ATP10B: variants seen among roughly 807,000 people sequenced by gnomAD.
ATP10B encodes ATPase phospholipid transporting 10B (putative), also known as phospholipid-transporting ATPase VB.
In ATP10B, 122 loss-of-function variants were observed where a neutral mutation model predicts 141.2. The observed-to-expected ratio is 0.86, with a 90% CI of 0.75 to 1.00. ATP10B has a LOEUF of 1.00. Ranked by LOEUF, ATP10B falls within the 50% of genes least tolerant of loss-of-function variation. The pLI is 0.00. For synonymous variants in ATP10B, 685 were observed against 692.0 expected (o/e 0.99, Z 0.16); for missense variants, 1,876 against 1,825.3 (o/e 1.03, Z -0.51).
intron 21 of ATP10B, among the ~76,000 whole-genome samples, chr5:160,600,047 CTAT>C (rs1756999253): frequency 6.6e-6 from 1 of 152,160 alleles, no homozygotes; most frequent in Non-Finnish European, 1.5e-5. Context: ...ATTTGACCTT[CTAT>C]ATGTGCCAGG....
intron 25 of ATP10B, among the ~76,000 whole-genome samples, chr5:160,568,708 A>G (rs1222537398): frequency 6.6e-6 from 1 of 152,180 alleles, no homozygotes; most frequent in Non-Finnish European, 1.5e-5. Context: ...GGGGTACTAG[A>G]ACCATAGCTC....
the ATP10B span, among the ~76,000 whole-genome samples, chr5:160,861,236 G>T: frequency 6.6e-6 from 1 of 151,844 alleles, no homozygotes; most frequent in South Asian, 2.1e-4. Context: ...TGAATAGTAA[G>T]GAAGAAATTG....
the ATP10B span, among the ~76,000 whole-genome samples, chr5:160,868,521 T>TACACACACACACAC: frequency 1.4e-3 from 182 of 130,402 alleles, 3 homozygotes; most frequent in East Asian, 4.0e-3. Flanking sequence ...TATGAACAGA[T>TACACACACACACAC]ACACACACAC....
At chr5:160,661,216 TACA>T (rs1302038704) in intron 7 of ATP10B, among the ~76,000 whole-genome samples, 8 of 151,238 alleles carry the variant, frequency 5.3e-5, no homozygotes, top group Non-Finnish European at 1.2e-4. Flanking sequence ...AAACAACAAC[TACA>T]ACAACAAGAG....
At position 160,829,431 on chromosome 5, in the gene ATP10B, G is replaced by T. The variant is rs560134418; in HGVS notation, c.-576+22510C>A. On this transcript the variant is annotated intron_variant, in intron 1 of 25. Transcript: ENST00000327245. ...TTCTTTTTGCTCAGGATTGCTATTT[G>T]CACTCTTTTTTTGGTTTCATATGCG... Among the ~76,000 whole-genome samples, 13 of 151,976 alleles carry T rather than the reference G, an allele frequency of 8.6e-5. 1 individual carries two copies. In the East Asian group the frequency reaches 1.5e-3, roughly 18 times the overall value.
intron 24 of ATP10B, among the ~76,000 whole-genome samples, chr5:160,574,679 GAATTAGA>G (rs1755079802): frequency 2.0e-5 from 3 of 152,146 alleles, no homozygotes. Context: ...CTTCATGAAT[GAATTAGA>G]TGCCCTTATA....
chr5:160,659,309 C>T (rs771922678), intron 7 of ATP10B, among the ~76,000 whole-genome samples: 3 of 151,764 alleles, frequency 2.0e-5, no homozygotes, highest in Non-Finnish European at 2.9e-5. Flanking sequence ...ACTAAAAATA[C>T]AAAAAATTAG....
intron 25 of ATP10B, 73 bp downstream of exon 25, chr5:160,569,423 T>C: frequency 1.3e-6 from 2 of 1,495,438 alleles, no homozygotes; most frequent in Non-Finnish European, 1.8e-6. Flanking sequence ...CTCCTGACTC[T>C]TGGGTTATAA....
At chr5:160,743,648 G>A (rs1403920252) in intron 2 of ATP10B, among the ~76,000 whole-genome samples, 19 of 152,154 alleles carry the variant, frequency 1.2e-4, no homozygotes, top group Admixed American at 1.1e-3. Flanking sequence ...GAACCAGGGC[G>A]TCTAGACAAA....
chr5:160,707,257 A>C (rs756934622), intron 3 of ATP10B, among the ~76,000 whole-genome samples: 26 of 152,100 alleles, frequency 1.7e-4, no homozygotes, highest in Non-Finnish European at 3.4e-4. Flanking sequence ...AGCCCTCTTT[A>C]TTCTCATCTG....
chr5:160,748,187 C>G (rs1581457580), intron 2 of ATP10B, among the ~76,000 whole-genome samples: 1 of 152,212 alleles, frequency 6.6e-6, no homozygotes, highest in African/African-American at 2.4e-5. Context: ...GAACAATAAG[C>G]TTGCCCAGGA....
chr5:160,824,104 C>T (rs1774391855), intron 1 of ATP10B, among the ~76,000 whole-genome samples: 1 of 151,998 alleles, frequency 6.6e-6, no homozygotes, highest in African/African-American at 2.4e-5. Context: ...TTACTGCAAG[C>T]TCCGCCTCCT....
intron 1 of ATP10B, among the ~76,000 whole-genome samples, chr5:160,822,270 C>G (rs1452603999): frequency 6.6e-6 from 1 of 152,058 alleles, no homozygotes; most frequent in Non-Finnish European, 1.5e-5. Context: ...AGGTGTTCAA[C>G]ATCACTGATA....
intron 13 of ATP10B, among the ~76,000 whole-genome samples, chr5:160,624,691 A>G (rs953117657): frequency 4.6e-5 from 7 of 152,206 alleles, no homozygotes. Context: ...AATGTCATTT[A>G]TATAACCTCA....
intron 1 of ATP10B, among the ~76,000 whole-genome samples, chr5:160,792,449 A>C (rs918319217): frequency 6.6e-6 from 1 of 152,196 alleles, no homozygotes; most frequent in East Asian, 1.9e-4. Context: ...ACGTGGAACC[A>C]TGTGACTGTG....
In ATP10B at chr5:160,735,726, G is replaced by A. The variant is rs559531060; in HGVS notation, c.-330-18692C>T. Among the ~76,000 whole-genome samples, 23 of 151,876 alleles carry A rather than the reference G, an allele frequency of 1.5e-4. No individual in the cohort carries two copies. The South Asian group carries it at 2.9e-3, about 19-fold the overall frequency. On this transcript the variant is annotated intron_variant, in intron 2 of 25. Transcript: ENST00000327245. ...TCCTTAGCACATGGATCATTCTCAA[G>A]GATAGACCATATGTTAGGTCACAAA...
At chr5:160,877,440 C>T in the ATP10B span, among the ~76,000 whole-genome samples, 1 of 143,276 alleles carries the variant, frequency 7.0e-6, no homozygotes, top group African/African-American at 2.5e-5. Flanking sequence ...ACTGAATGGG[C>T]AAAAACTGGA....
rs919560440 is a variant in ATP10B, at chr5:160,564,294, T to C, written c.*1159A>G. On this transcript the variant is annotated 3_prime_UTR_variant, in exon 26 of 26. Coordinates refer to ENST00000327245, the MANE Select transcript of ATP10B (RefSeq NM_025153.3). Reference sequence around the variant, plus strand: ...TTTGGACAGCCTATTAAAATTCTACTGTTCATTCCTTTAACACTGTTTTGA... The same window carrying C: ...TTTGGACAGCCTATTAAAATTCTACCGTTCATTCCTTTAACACTGTTTTGA... 6.6e-6 allele frequency: 1 copy of C among 152,244 alleles called. No homozygotes were observed. Among genetic ancestry groups the C allele is most frequent in the African/African-American group, 2.4e-5 (1 of 41,466 alleles). The allele number at this position is 152,244 out of a possible 1,614,324, so 9.4% of individuals were successfully genotyped here.
At chr5:160,817,662 T>C (rs1243160029) in intron 1 of ATP10B, among the ~76,000 whole-genome samples, 6 of 152,272 alleles carry the variant, frequency 3.9e-5, no homozygotes, top group Admixed American at 2.0e-4. Context: ...AAAGTTCATA[T>C]GGAACCAAAA....
Sources: allele counts gnomAD v4.1 joint callset (sites outside exome capture counted in the v4.1 genomes callset), GRCh38; gene constraint gnomAD v4.1.1; transcripts MANE v1.5; gene names NCBI Gene and HGNC (gene_info 2026-07-23, HGNC 2026-07-21).